The following BMPR1A variants were observed in gnomAD, a reference collection of about 807,000 sequenced individuals.
The protein encoded by BMPR1A is bone morphogenetic protein receptor type 1A, also known as bone morphogenetic protein receptor type-1A.
In BMPR1A, 7 loss-of-function variants were observed where a neutral mutation model predicts 66.0. The ratio of observed to expected loss-of-function variants is 0.11; its 90% CI spans 0.06 to 0.20. The LOEUF (loss-of-function observed/expected upper bound fraction) is 0.20, where lower values mean the gene tolerates loss of function less well. Ranked by LOEUF, BMPR1A falls within the 10% of genes least tolerant of loss-of-function variation. The pLI is 1.00. For synonymous variants in BMPR1A, 200 were observed against 229.7 expected, an observed-to-expected ratio of 0.87 and a Z score of 1.17; for missense variants, 408 against 669.1, an observed-to-expected ratio of 0.61 and a Z score of 4.31.
At chr10:86,765,235 C>A (rs948288423) in intron 1 of BMPR1A, among the ~76,000 whole-genome samples, 7 of 152,108 alleles carry the variant, frequency 4.6e-5, no homozygotes, top group African/African-American at 9.7e-5. Context: ...CGCCTGTAAT[C>A]CCAGCACTTT....
intron 1 of BMPR1A, among the ~76,000 whole-genome samples, chr10:86,773,064 A>G (rs1841289144): frequency 6.6e-6 from 1 of 151,454 alleles, no homozygotes; most frequent in African/African-American, 2.4e-5. Flanking sequence ...TGAAATTTGT[A>G]GGGGTGGGGG....
intron 4 of BMPR1A, 133 bp downstream of exon 4, chr10:86,890,357 C>T (rs1369831579): frequency 3.7e-6 from 4 of 1,085,614 alleles, no homozygotes; most frequent in Non-Finnish European, 5.4e-6. Flanking sequence ...AGCCAAAAAG[C>T]CTTTTGTTTT....
At chr10:86,795,482 C>T (rs1380362377) in intron 1 of BMPR1A, among the ~76,000 whole-genome samples, 2 of 151,758 alleles carry the variant, frequency 1.3e-5, no homozygotes, top group African/African-American at 4.8e-5. Flanking sequence ...ACAAAGATGC[C>T]ATTTTGGGAG....
intron 1 of BMPR1A, among the ~76,000 whole-genome samples, chr10:86,792,419 TATA>T (rs1173043635): frequency 6.6e-6 from 1 of 152,214 alleles, no homozygotes; most frequent in Admixed American, 6.5e-5. Context: ...TGCTAAAAAT[TATA>T]ATGGTAATTG....
At chr10:86,868,778 G>GTGTTTTTTTTTTTTTT in intron 2 of BMPR1A, among the ~76,000 whole-genome samples, 1 of 141,062 alleles carries the variant, frequency 7.1e-6, no homozygotes, top group African/African-American at 2.6e-5. Flanking sequence ...CTTTTCCTGT[G>GTGTTTTTTTTTTTTTT]TTTTTTTTTT....
chr10:86,845,724 G>A (rs1169238886), intron 2 of BMPR1A, among the ~76,000 whole-genome samples: 6 of 152,204 alleles, frequency 3.9e-5, no homozygotes, highest in African/African-American at 1.4e-4. Flanking sequence ...TCTAACAGGT[G>A]CAGTGGCTCA....
chr10:86,895,195 G>C (rs1159524778), intron 5 of BMPR1A, among the ~76,000 whole-genome samples: 2 of 152,162 alleles, frequency 1.3e-5, no homozygotes, highest in Non-Finnish European at 2.9e-5. Context: ...TTCGATGATA[G>C]GATCTTTATG....
intron 1 of BMPR1A, among the ~76,000 whole-genome samples, chr10:86,826,076 TC>T (rs1322858846): frequency 6.6e-6 from 1 of 152,214 alleles, no homozygotes; most frequent in Admixed American, 6.5e-5. Flanking sequence ...TCATTTGCTT[TC>T]TCTGTTTATA....
intron 1 of BMPR1A, among the ~76,000 whole-genome samples, chr10:86,831,110 A>AT (rs1387541705): frequency 1.3e-5 from 2 of 152,038 alleles, no homozygotes; most frequent in African/African-American, 2.4e-5. Flanking sequence ...ATAAGACCAC[A>AT]TTTTGTTTAG....
At chr10:86,843,899 C>G (rs969724262) in intron 2 of BMPR1A, among the ~76,000 whole-genome samples, 5 of 152,024 alleles carry the variant, frequency 3.3e-5, no homozygotes, top group African/African-American at 9.7e-5. Context: ...ATAAGCTGAT[C>G]AGAATTCAAT....
downstream of BMPR1A, chr10:86,930,308 C>T (rs896587763): frequency 6.8e-6 from 1 of 147,230 alleles, no homozygotes; most frequent in Non-Finnish European, 1.5e-5. Flanking sequence ...TAGGTGGAGT[C>T]TCGCTCTGTC....
intron 2 of BMPR1A, among the ~76,000 whole-genome samples, chr10:86,865,496 C>T (rs190298730): frequency 4.9e-4 from 74 of 151,954 alleles, no homozygotes; most frequent in Non-Finnish European, 8.1e-4. Flanking sequence ...CATCTCCCTT[C>T]GCTGACTCTC....
intron 1 of BMPR1A, among the ~76,000 whole-genome samples, chr10:86,760,480 C>G (rs920419985): frequency 1.3e-5 from 2 of 151,930 alleles, no homozygotes; most frequent in Admixed American, 6.6e-5. Flanking sequence ...TCAGTTGATC[C>G]GCTCGCCTCA....
intron 1 of BMPR1A, among the ~76,000 whole-genome samples, chr10:86,766,319 A>G (rs1240124947): frequency 6.6e-6 from 1 of 152,090 alleles, no homozygotes; most frequent in Non-Finnish European, 1.5e-5. Context: ...TATAGTAGTT[A>G]AGCAGTTATT....
At chr10:86,804,413 T>C (rs191533186) in intron 1 of BMPR1A, among the ~76,000 whole-genome samples, 23 of 152,254 alleles carry the variant, frequency 1.5e-4, no homozygotes, top group Middle Eastern at 3.4e-3. Context: ...CTAATTTTTA[T>C]ATTTTTAGCA....
intron 1 of BMPR1A, among the ~76,000 whole-genome samples, chr10:86,777,509 G>A (rs1841370108): frequency 6.6e-6 from 1 of 152,060 alleles, no homozygotes; most frequent in Non-Finnish European, 1.5e-5. Flanking sequence ...TGAGCCTGAT[G>A]AGGTTTAGGT....
At chr10:86,928,561 CAGAA>C (rs1190229660), downstream of BMPR1A, 14 of 152,046 alleles carry the variant, frequency 9.2e-5, no homozygotes, top group African/African-American at 2.7e-4. Flanking sequence ...GTACTCATGG[CAGAA>C]AATTTGGGAA....
intron 1 of BMPR1A, among the ~76,000 whole-genome samples, chr10:86,762,869 AG>A (rs1289818270): frequency 6.6e-6 from 1 of 152,128 alleles, no homozygotes; most frequent in Admixed American, 6.5e-5. Flanking sequence ...AGAAAGGACA[AG>A]GAGACTGTTT....
At chr10:86,768,878 C>A (rs1841207106) in intron 1 of BMPR1A, among the ~76,000 whole-genome samples, 4 of 152,108 alleles carry the variant, frequency 2.6e-5, no homozygotes, top group African/African-American at 7.3e-5. Flanking sequence ...TCTCTCAGGG[C>A]TACTGTGAGG....
Sources: gnomAD v4.1 joint callset for allele counts (sites outside exome capture counted in the v4.1 genomes callset) on GRCh38, gnomAD v4.1.1 for gene constraint, MANE v1.5 for transcripts, NCBI Gene and HGNC (gene_info 2026-07-23, HGNC 2026-07-21) for gene names.